Variants in SDK2 observed in about 807,000 individuals in gnomAD.
The protein encoded by SDK2 is protein sidekick-2.
Under a neutral mutation model 253.9 loss-of-function variants are expected in SDK2, and 105 were observed. That is an observed-to-expected ratio of 0.41 (90% CI 0.35 to 0.49). The LOEUF (loss-of-function observed/expected upper bound fraction) is 0.49. SDK2 is among the 20% of genes least tolerant of loss of function. SDK2 has a pLI of 0.06. For missense variants in SDK2, 2,608 were observed against 3,003.0 expected (o/e 0.87, Z 3.07); for synonymous variants, 1,249 against 1,234.9 (o/e 1.01, Z -0.24).
At position 73,368,523 on chromosome 17, in the gene SDK2, C is replaced by A. The variant is rs143843586; in HGVS notation, c.5051G>T (p.Ser1684Ile). 1.0e-4 allele frequency: 169 copies of A among 1,610,172 alleles called. No homozygotes were observed. The Middle Eastern group carries it at 1.7e-3, about 16-fold the overall frequency. Residue 1684 changes from serine (S) to isoleucine (I), a missense_variant, in exon 37 of 45, where the codon AGC (serine) becomes ATC (isoleucine). Physicochemically the swap from Ser to Ile is moderately radical, Grantham distance 142 (BLOSUM62 -2). Transcript: ENST00000392650. Reference protein sequence around the residue: ...RVKTLFLAENSVKLKNLTGYT... With the variant: ...RVKTLFLAENIVKLKNLTGYT... ...GCCAGTCAAGTTCTTGAGCTTCACG[C>A]TGTTCTCAGCCAGGAAAAGCGTCTT... is the stretch of plus-strand genomic sequence containing the variant.
At chr17:73,547,391 C>T (rs1366509366) in intron 1 of SDK2, among the ~76,000 whole-genome samples, 1 of 152,228 alleles carries the variant, frequency 6.6e-6, no homozygotes, top group Non-Finnish European at 1.5e-5. Context: ...AGGCTTTGGG[C>T]TTGGATTGGG....
chr17:73,584,739 G>A (rs2045582225), intron 1 of SDK2, among the ~76,000 whole-genome samples: 1 of 152,230 alleles, frequency 6.6e-6, no homozygotes, highest in Non-Finnish European at 1.5e-5. Context: ...TCAAATGGGA[G>A]GGTCAGGCTC....
In SDK2 at chr17:73,616,331, A is replaced by G. The variant is rs2046056733; in HGVS notation, c.64+27694T>C. Reference sequence around the variant, plus strand: ...TCCACCCCCGGCTCCCCACCTCAACAGTCTCCCCAGCCCCAGCTCAGCATC... The same window carrying G: ...TCCACCCCCGGCTCCCCACCTCAACGGTCTCCCCAGCCCCAGCTCAGCATC... On this transcript the variant is annotated intron_variant, in intron 1 of 44. Coordinates refer to ENST00000392650, the MANE Select transcript of SDK2 (RefSeq NM_001144952.2). The surrounding 1 kb of genome is among the most constrained non-coding windows in gnomAD (Gnocchi z 5.2). Among the ~76,000 whole-genome samples, 1 of 151,570 alleles carries G rather than the reference A, an allele frequency of 6.6e-6. No individual in the cohort carries two copies. Among genetic ancestry groups the G allele is most frequent in the Non-Finnish European group, 1.5e-5 (1 of 67,902 alleles).
chr17:73,458,548 C>T (rs2063544243), intron 3 of SDK2, among the ~76,000 whole-genome samples: 1 of 152,206 alleles, frequency 6.6e-6, no homozygotes, highest in South Asian at 2.1e-4. Context: ...TTCACTTGGC[C>T]TAATGGTTTG....
chr17:73,392,447 T>G (rs1338295124), intron 27 of SDK2, among the ~76,000 whole-genome samples: 1 of 151,916 alleles, frequency 6.6e-6, no homozygotes, highest in Non-Finnish European at 1.5e-5. Flanking sequence ...TTTTATATTT[T>G]TGGTAGAGAC....
chr17:73,520,512 G>C (rs1439174779), intron 1 of SDK2: 1 of 152,216 alleles, frequency 6.6e-6, no homozygotes, highest in Non-Finnish European at 1.5e-5. Flanking sequence ...GCAGCAACAG[G>C]GACCCACAAG....
chr17:73,435,705 G>A lies in SDK2; in HGVS notation c.1001-61C>T. On this transcript the variant is annotated intron_variant, in intron 8 of 44. Coordinates refer to ENST00000392650, the MANE Select transcript of SDK2 (RefSeq NM_001144952.2). The surrounding 1 kb of genome is among the most constrained non-coding windows in gnomAD (Gnocchi z 5.7). ...TCCTGCCTCCTCTCCGCCTAGGAGG[G>A]GTGCTTGGGAGGAGGCCGGGCCCGG... 5 of 1,435,980 alleles carry A rather than the reference G, an allele frequency of 3.5e-6. No individual in the cohort carries two copies. The highest frequency in any genetic ancestry group is 4.7e-6 in the Non-Finnish European group (5 of 1,074,494). The allele number at this position is 1,435,980 out of a possible 1,614,324, so 89.0% of individuals were successfully genotyped here.
chr17:73,606,545 G>A (rs1032289081), intron 1 of SDK2, among the ~76,000 whole-genome samples: 1 of 152,164 alleles, frequency 6.6e-6, no homozygotes, highest in East Asian at 1.9e-4. Context: ...CGACAGCCAC[G>A]AAGGCGGGTT....
At chr17:73,469,853 C>T (rs1386224512) in intron 3 of SDK2, among the ~76,000 whole-genome samples, 1 of 152,174 alleles carries the variant, frequency 6.6e-6, no homozygotes, top group African/African-American at 2.4e-5. Context: ...GAGGCTGTGT[C>T]ATTTCATCTC....
chr17:73,638,254 C>T (rs1055292630), intron 1 of SDK2, among the ~76,000 whole-genome samples: 1 of 152,202 alleles, frequency 6.6e-6, no homozygotes. Flanking sequence ...ATTATGCTGA[C>T]TCCTCCTACG....
At position 73,336,875 on chromosome 17, in the gene SDK2, G is replaced by C. The variant is rs986754871; in HGVS notation, c.*1712C>G. Reference sequence around the variant, plus strand: ...CACCCATCTCAGCGGTGGGGCAGGTGTTGGGCTGGCCTTACAGGGCTGGCT... The same window carrying C: ...CACCCATCTCAGCGGTGGGGCAGGTCTTGGGCTGGCCTTACAGGGCTGGCT... On this transcript the variant is annotated 3_prime_UTR_variant, in exon 45 of 45. Coordinates refer to ENST00000392650, the MANE Select transcript of SDK2 (RefSeq NM_001144952.2). 3.0e-5 allele frequency: 4 copies of C among 134,464 alleles called. No homozygotes were observed. The highest frequency in any genetic ancestry group is 6.6e-5 in the Non-Finnish European group (4 of 60,936). 8.3% of individuals were successfully genotyped at this position (134,464 alleles called of 1,614,324 possible).
intron 1 of SDK2, among the ~76,000 whole-genome samples, chr17:73,528,890 G>A (rs1472113451): frequency 2.0e-5 from 3 of 152,122 alleles, no homozygotes; most frequent in South Asian, 2.1e-4. Context: ...CCATGGCACC[G>A]ACACAGGTGC....
Position 73,338,303 on chromosome 17 carries a change from A to T in SDK2, c.*284T>A. On this transcript the variant is annotated 3_prime_UTR_variant, in exon 45 of 45. Transcript: ENST00000392650. This position sits in a 1 kb window ranked among gnomAD's most constrained non-coding sequence, Gnocchi z 5.0. ...CAGATGCCCGCCCCACTCCGTGTCC[A>T]TAGCAGTGACACAGCCACTTCCCCA... 1.7e-6 allele frequency: 1 copy of T among 583,376 alleles called. No individual in the cohort carries two copies. The allele number at this position is 583,376 out of a possible 1,614,324, so 36.1% of individuals were successfully genotyped here.
chr17:73,358,213 A>G lies in SDK2; in HGVS notation c.5468-9T>C. The G allele has an allele frequency of 6.3e-7, 1 of 1,595,146 alleles. No homozygotes were observed. The highest frequency in any genetic ancestry group is 8.5e-7 in the Non-Finnish European group (1 of 1,174,734). On this transcript the variant is annotated splice_polypyrimidine_tract_variant and intron_variant, in intron 39 of 44. Transcript: ENST00000392650. Reference sequence around the variant, plus strand: ...AGGCGGTCCTGGGGCACCTGCAGACAGCACACAGAGGCGAGGGATGTATGG... The same window carrying G: ...AGGCGGTCCTGGGGCACCTGCAGACGGCACACAGAGGCGAGGGATGTATGG...
chr17:73,428,420 C>T (rs2063300932), intron 12 of SDK2, among the ~76,000 whole-genome samples: 1 of 152,086 alleles, frequency 6.6e-6, no homozygotes, highest in Non-Finnish European at 1.5e-5. Flanking sequence ...CCTGCACCCG[C>T]CCAGGCCCTC....
rs1429026304 is a variant in SDK2, at chr17:73,399,292, G to A, written c.2972-3C>T. ...GTTGGTGGGGGGCCCTGGGAGTTCT[G>A]GAAAAGGAGAACAGGGTGGGGAAGG... On this transcript the variant is annotated splice_region_variant and splice_polypyrimidine_tract_variant and intron_variant, in intron 21 of 44. Transcript: ENST00000392650. The A allele has an allele frequency of 1.2e-6, 2 of 1,613,738 alleles. No individual in the cohort carries two copies. The highest frequency in any genetic ancestry group is 1.7e-6 in the Non-Finnish European group (2 of 1,179,794).
chr17:73,474,680 T>C (rs2063673519), intron 2 of SDK2, among the ~76,000 whole-genome samples: 2 of 152,108 alleles, frequency 1.3e-5, no homozygotes, highest in Admixed American at 1.3e-4. Context: ...AAATCCACCC[T>C]CAGCCCTCTC....
chr17:73,537,014 G>A (rs1242404092), intron 1 of SDK2, among the ~76,000 whole-genome samples: 2 of 152,188 alleles, frequency 1.3e-5, no homozygotes, highest in African/African-American at 4.8e-5. Context: ...TGGGGTGCAG[G>A]AGCATTAGCT....
At chr17:73,512,523 C>T (rs1247434315) in intron 1 of SDK2, among the ~76,000 whole-genome samples, 1 of 150,888 alleles carries the variant, frequency 6.6e-6, no homozygotes, top group Non-Finnish European at 1.5e-5. Context: ...TTCTCTTAAA[C>T]TTTTCTTCAC....
Sources: gnomAD v4.1 joint callset for allele counts (sites outside exome capture counted in the v4.1 genomes callset) on GRCh38, gnomAD v4.1.1 for gene constraint, Gnocchi (gnomAD v3.1) non-coding constraint, MANE v1.5 for transcripts, NCBI Gene and HGNC (gene_info 2026-07-23, HGNC 2026-07-21) for gene names.